Variants in PRPSAP1 observed in about 807,000 individuals in gnomAD.
The protein encoded by PRPSAP1 is phosphoribosyl pyrophosphate synthase-associated protein 1.
In PRPSAP1, 31 loss-of-function variants were observed where a neutral mutation model predicts 39.4. The ratio of observed to expected loss-of-function variants is 0.79; its 90% confidence interval spans 0.59 to 1.06. The LOEUF is 1.06. Ranked by LOEUF, PRPSAP1 falls within the 50% of genes least tolerant of loss-of-function variation. The probability of loss-of-function intolerance (pLI) is 0.00; values close to 1 mark genes in which losing one functional copy is unlikely to be tolerated. For missense variants in PRPSAP1, 430 were observed against 511.6 expected, an observed-to-expected ratio of 0.84 and a Z score of 1.54; for synonymous variants, 212 against 192.6, an observed-to-expected ratio of 1.10 and a Z score of -0.83.
At chr17:76,341,688 C>T (rs1186674056) in intron 3 of PRPSAP1, among the ~76,000 whole-genome samples, 1 of 152,310 alleles carries the variant, frequency 6.6e-6, no homozygotes, top group Admixed American at 6.5e-5. Flanking sequence ...GCCTATAATC[C>T]CAGCACTTTG....
At position 76,332,371 on chromosome 17, in the gene PRPSAP1, T is replaced by C; in HGVS notation, c.355A>G (p.Arg119Gly). The change falls in exon 4 of 10, where the codon AGG (arginine) becomes GGG (glycine). Residue 119 changes from arginine to glycine, a missense_variant. Transcript: ENST00000446526. ...MAYALKTACA[R>G]NIIGVIPYFP... ...TAGGGGATGACCCCAATAATGTTCC[T>C]GGCACAGGCAGTCTTCAGTGCGTAA... 1 of 1,614,222 alleles carries C rather than the reference T, an allele frequency of 6.2e-7. No homozygotes were observed. Among genetic ancestry groups the C allele is most frequent in the Non-Finnish European group, 8.5e-7 (1 of 1,180,058 alleles).
Position 76,328,741 on chromosome 17 carries a change from C to T in PRPSAP1, c.757G>A (p.Val253Met). 6.2e-7 allele frequency: 1 copy of T among 1,614,132 alleles called. No homozygotes were observed. Among genetic ancestry groups the T allele is most frequent in the Admixed American group, 1.7e-5 (1 of 60,004 alleles). ...HSPPMVKNAT[V>M]HPGLELPLMM... ...CATGGCAACTCCAGGCCTGGGTGCA[C>T]AGTAGCATTTTTGACCATAGGCGGG... The change falls in exon 7 of 10, where the codon GTG becomes ATG. Residue 253 changes from valine (V) to methionine (M), a missense_variant. Physicochemically the swap from Val to Met is conservative, Grantham distance 21. This residue lies in a region of PRPSAP1 where 278 missense variants were observed against 376.3 expected (regional missense o/e 0.74). Coordinates refer to ENST00000446526, the MANE Select transcript of PRPSAP1 (RefSeq NM_002766.3).
chr17:76,326,156 C>A (rs1449990730), intron 7 of PRPSAP1, among the ~76,000 whole-genome samples: 2 of 151,888 alleles, frequency 1.3e-5, no homozygotes, highest in Non-Finnish European at 2.9e-5. Context: ...ATGAAATAGG[C>A]CTATGAATCC....
chr17:76,323,593 G>A (rs1172532242), intron 7 of PRPSAP1, among the ~76,000 whole-genome samples: 2 of 152,076 alleles, frequency 1.3e-5, no homozygotes, highest in African/African-American at 4.8e-5. Context: ...CAGATGTGGT[G>A]GAAAGAGCAA....
intron 5 of PRPSAP1, 100 bp from the exon 6 acceptor site, chr17:76,330,198 T>G: frequency 9.9e-7 from 1 of 1,007,940 alleles, no homozygotes; most frequent in Non-Finnish European, 1.5e-6. Context: ...TCCAAACTAG[T>G]CATCAAATAT....
At chr17:76,338,501 G>A (rs1250880160) in intron 3 of PRPSAP1, among the ~76,000 whole-genome samples, 2 of 151,722 alleles carry the variant, frequency 1.3e-5, no homozygotes, top group Non-Finnish European at 2.9e-5. Flanking sequence ...TCAGGAGTTC[G>A]AGACCAGCCT....
chr17:76,337,713 C>A (rs963589738), intron 3 of PRPSAP1, among the ~76,000 whole-genome samples: 1 of 152,212 alleles, frequency 6.6e-6, no homozygotes, highest in Admixed American at 6.5e-5. Flanking sequence ...TCAATCGATT[C>A]TCCCACCTCA....
intron 7 of PRPSAP1, among the ~76,000 whole-genome samples, 198 bp downstream of exon 7, chr17:76,328,519 G>C (rs1024286227): frequency 6.6e-6 from 1 of 152,208 alleles, no homozygotes; most frequent in South Asian, 2.1e-4. Context: ...TGAGGCAGGA[G>C]AATTGCTTGA....
chr17:76,342,432 G>A (rs2071449628), intron 3 of PRPSAP1, among the ~76,000 whole-genome samples: 1 of 152,112 alleles, frequency 6.6e-6, no homozygotes. Flanking sequence ...TCAAAGTCAA[G>A]GCCGGGTGTG....
chr17:76,315,885 T>C (rs2071118318), intron 7 of PRPSAP1, among the ~76,000 whole-genome samples: 1 of 151,654 alleles, frequency 6.6e-6, no homozygotes, highest in East Asian at 2.0e-4. Flanking sequence ...TGGCTAATTT[T>C]TTGTATTTTT....
At chr17:76,312,437 C>CA (rs10709096) in intron 9 of PRPSAP1, among the ~76,000 whole-genome samples, 167 of 132,896 alleles carry the variant, frequency 1.3e-3, no homozygotes, top group South Asian at 6.8e-3. Flanking sequence ...GATTCCATCT[C>CA]AAAAAAAAAA....
At chr17:76,328,438 G>A (rs892275400) in intron 7 of PRPSAP1, among the ~76,000 whole-genome samples, 3 of 151,938 alleles carry the variant, frequency 2.0e-5, no homozygotes, top group Admixed American at 6.6e-5. Context: ...GTGAAACCCT[G>A]TCTCTACTAA....
intron 7 of PRPSAP1, among the ~76,000 whole-genome samples, chr17:76,315,700 CTTTTTTTTTTTTTTTTT>C (rs71161279): frequency 1.5e-3 from 108 of 72,680 alleles, no homozygotes; most frequent in African/African-American, 6.4e-3. Flanking sequence ...GACCTATCCG[CTTTTTTTTTTTTTTTTT>C]TTTTTTTTTT....
At chr17:76,336,280 A>C (rs2071377630) in intron 3 of PRPSAP1, among the ~76,000 whole-genome samples, 1 of 152,142 alleles carries the variant, frequency 6.6e-6, no homozygotes. Flanking sequence ...TCTACTAAAA[A>C]TTCAAAACTT....
chr17:76,335,961 AAC>A (rs1185448799), intron 3 of PRPSAP1, among the ~76,000 whole-genome samples: 1 of 152,030 alleles, frequency 6.6e-6, no homozygotes, highest in African/African-American at 2.4e-5. Context: ...CAACCTGGGC[AAC>A]AGAGTGAGAC....
intron 3 of PRPSAP1, 76 bp downstream of exon 3, chr17:76,344,595 T>G: frequency 8.1e-7 from 1 of 1,231,738 alleles, no homozygotes; most frequent in Non-Finnish European, 1.2e-6. Context: ...CACTAAGTTG[T>G]TGTTCATATG....
intron 2 of PRPSAP1, among the ~76,000 whole-genome samples, chr17:76,346,501 C>A (rs1447526421): frequency 6.6e-6 from 1 of 152,088 alleles, no homozygotes; most frequent in African/African-American, 2.4e-5. Context: ...TGGCACCTGA[C>A]CCCCCCATAA....
intron 2 of PRPSAP1, among the ~76,000 whole-genome samples, chr17:76,346,767 C>CA (rs1391150255): frequency 6.6e-6 from 1 of 151,502 alleles, no homozygotes; most frequent in Non-Finnish European, 1.5e-5. Flanking sequence ...CGCGGTGGCT[C>CA]CGCCTGTAAT....
chr17:76,347,311 AC>A (rs1261618375), intron 2 of PRPSAP1, among the ~76,000 whole-genome samples: 1 of 151,058 alleles, frequency 6.6e-6, no homozygotes, highest in African/African-American at 2.4e-5. Flanking sequence ...ACATGGCAAA[AC>A]CCCCGTCTCT....
Sources: allele counts gnomAD v4.1 joint callset (sites outside exome capture counted in the v4.1 genomes callset), GRCh38; gene constraint gnomAD v4.1.1; regional missense constraint gnomAD v4.1.1; transcripts MANE v1.5; gene names NCBI Gene and HGNC (gene_info 2026-07-23, HGNC 2026-07-21).